Variants in SEPTIN9 observed in about 807,000 individuals in gnomAD.
The protein encoded by SEPTIN9 is septin-9.
SEPTIN9 carries 13 observed loss-of-function variants against 56.6 expected under a neutral mutation model. The ratio of observed to expected loss-of-function variants is 0.23; its 90% CI spans 0.15 to 0.37. The LOEUF (loss-of-function observed/expected upper bound fraction) is 0.37. Ranked by LOEUF, SEPTIN9 falls within the 10% of genes least tolerant of loss-of-function variation. The probability of loss-of-function intolerance (pLI) is 1.00; values close to 1 mark genes in which losing one functional copy is unlikely to be tolerated. For synonymous variants in SEPTIN9, 332 were observed against 334.1 expected, an observed-to-expected ratio of 0.99 and a Z score of 0.07; for missense variants, 650 against 823.1, an observed-to-expected ratio of 0.79 and a Z score of 2.57.
At chr17:77,458,999 A>C (rs1455980956) in intron 3 of SEPTIN9, among the ~76,000 whole-genome samples, 1 of 152,166 alleles carries the variant, frequency 6.6e-6, no homozygotes, top group African/African-American at 2.4e-5. Flanking sequence ...GTGGGGACAG[A>C]GGAGGGCCTT....
intron 2 of SEPTIN9, among the ~76,000 whole-genome samples, chr17:77,379,234 C>T (rs926609851): frequency 1.3e-5 from 2 of 151,962 alleles, no homozygotes; most frequent in Non-Finnish European, 2.9e-5. Context: ...TACACTGGGC[C>T]CGGGGTGTCA....
chr17:77,405,260 C>G lies in SEPTIN9; in HGVS notation c.721+2557C>G, dbSNP rs186718585. The G allele has an allele frequency of 1.0e-4, 85 of 834,276 alleles. No homozygotes were observed. The highest frequency in any genetic ancestry group is 8.9e-5 in the Non-Finnish European group (48 of 540,508). 51.7% of individuals were successfully genotyped at this position (834,276 alleles called of 1,614,324 possible). On this transcript the variant is annotated intron_variant, in intron 3 of 11. Transcript: ENST00000427177. This position sits in a 1 kb window ranked among gnomAD's most constrained non-coding sequence, Gnocchi z 5.8. The stretch of plus-strand genomic sequence containing the variant: ...CAGGCCCAGGGACACAACCTGCGGG[C>G]TCTGCTTTCTGGAGCTCACCGAGCC...
intron 2 of SEPTIN9, among the ~76,000 whole-genome samples, chr17:77,358,296 C>G (rs1340718578): frequency 6.6e-6 from 1 of 152,202 alleles, no homozygotes. Flanking sequence ...TTTGTCCCCT[C>G]TGAAGCTCAG....
rs1284371706 is a variant in SEPTIN9, at chr17:77,421,409, C to T, written c.721+18706C>T. On this transcript the variant is annotated intron_variant, in intron 3 of 11. Coordinates refer to ENST00000427177, the MANE Select transcript of SEPTIN9 (RefSeq NM_001113491.2). The surrounding 1 kb of genome is among the most constrained non-coding windows in gnomAD (Gnocchi z 4.6). ...TGCCGCCTCTCCCCACAAGACTGGG[C>T]TGGATGCTGCTGGGAAAGTCAACAG... 6.6e-6 allele frequency among the ~76,000 whole-genome samples: 1 copy of T among 152,158 alleles called. No individual in the cohort carries two copies. The highest frequency in any genetic ancestry group is 1.5e-5 in the Non-Finnish European group (1 of 68,036).
At chr17:77,463,679 C>T (rs1179286063) in intron 3 of SEPTIN9, among the ~76,000 whole-genome samples, 1 of 151,962 alleles carries the variant, frequency 6.6e-6, no homozygotes, top group Non-Finnish European at 1.5e-5. Context: ...CCCATCTCTA[C>T]TAAAAATACA....
rs528907798 is a variant in SEPTIN9 at position 77,402,686 on chromosome 17, C to T, written c.704C>T (p.Thr235Ile). The change falls in exon 3 of 12, where the codon ACA becomes ATA. Residue 235 changes from threonine (T) to isoleucine (I), a missense_variant. This residue lies in a region of SEPTIN9 where 317 missense variants were observed against 329.1 expected (regional missense o/e 0.96). Coordinates refer to ENST00000427177, the MANE Select transcript of SEPTIN9 (RefSeq NM_001113491.2). The surrounding 1 kb of genome is among the most constrained non-coding windows in gnomAD (Gnocchi z 6.6). ...CCCCAGCCCCCTGTGGCTGAGGCTA[C>T]ACCCCGGAGCCAGGAGGGTGAGTCG... Reference protein sequence around the residue: ...PKPQPPVAEATPRSQEATEAA... With the variant: ...PKPQPPVAEAIPRSQEATEAA... The T allele has an allele frequency of 4.4e-6, 7 of 1,592,096 alleles. No homozygotes were observed. The South Asian group carries it at 5.6e-5, about 13-fold the overall frequency.
chr17:77,289,586 T>C (rs1474860327), intron 1 of SEPTIN9, among the ~76,000 whole-genome samples: 1 of 151,648 alleles, frequency 6.6e-6, no homozygotes, highest in Non-Finnish European at 1.5e-5. Flanking sequence ...TTTTGTATTT[T>C]TAGTACAGAC....
At chr17:77,314,006 C>T (rs957116320) in intron 2 of SEPTIN9, among the ~76,000 whole-genome samples, 3 of 152,076 alleles carry the variant, frequency 2.0e-5, no homozygotes, top group African/African-American at 7.2e-5. Context: ...TCCAGACCAG[C>T]CTGGGCAACA....
chr17:77,337,287 G>C (rs1307418944), intron 2 of SEPTIN9, among the ~76,000 whole-genome samples: 2 of 152,126 alleles, frequency 1.3e-5, no homozygotes, highest in African/African-American at 4.8e-5. Flanking sequence ...GAGATTACAG[G>C]TGTGAGCCAC....
rs533063496 is a variant in SEPTIN9, at chr17:77,454,256, G to C, written c.722-27888G>C. ...CCCACAGCCACTCTTTGGGGAAGAG[G>C]CTTCCTGAGGGACTTGTGGCCCTTG... On this transcript the variant is annotated intron_variant, in intron 3 of 11. Transcript: ENST00000427177. The C allele has an allele frequency of 1.3e-4, 131 of 985,544 alleles. No individual in the cohort carries two copies. The South Asian group carries it at 5.2e-3, about 39-fold the overall frequency. The allele number at this position is 985,544 out of a possible 1,614,324, so 61.0% of individuals were successfully genotyped here.
In SEPTIN9 at chr17:77,319,441, C is replaced by A; in HGVS notation, c.76+12244C>A. Reference sequence around the variant, plus strand: ...GGGGACGGCTAGAGACTCACTGACTCATGCGTGTGTGGTAGGAATCTTCCA... The same window carrying A: ...GGGGACGGCTAGAGACTCACTGACTAATGCGTGTGTGGTAGGAATCTTCCA... On this transcript the variant is annotated intron_variant, in intron 2 of 11. Transcript: ENST00000427177. This position sits in a 1 kb window ranked among gnomAD's most constrained non-coding sequence, Gnocchi z 5.3. 1 of 595,582 alleles carries A rather than the reference C, an allele frequency of 1.7e-6. No individual in the cohort carries two copies. Among genetic ancestry groups the A allele is most frequent in the Non-Finnish European group, 2.2e-6 (1 of 462,584 alleles). The allele number at this position is 595,582 out of a possible 1,614,324, so 36.9% of individuals were successfully genotyped here.
At chr17:77,336,005 CTG>C (rs1237853228) in intron 2 of SEPTIN9, among the ~76,000 whole-genome samples, 64,685 of 117,540 alleles carry the variant, frequency 0.55, 17,639 homozygotes, top group East Asian at 0.69. Context: ...AGTATATGTA[CTG>C]TATACATGTA....
intron 1 of SEPTIN9, among the ~76,000 whole-genome samples, chr17:77,290,764 G>A (rs1458494891): frequency 3.3e-5 from 5 of 150,202 alleles, no homozygotes; most frequent in African/African-American, 4.9e-5. Flanking sequence ...GCAGTGAGCC[G>A]AGATTGCGCC....
intron 2 of SEPTIN9, among the ~76,000 whole-genome samples, chr17:77,349,483 G>A (rs1373478010): frequency 1.3e-5 from 2 of 152,128 alleles, no homozygotes; most frequent in African/African-American, 4.8e-5. Context: ...TTTCTTTCAG[G>A]ACTTTAAAAT....
At chr17:77,311,340 G>A (rs975104386) in intron 2 of SEPTIN9, among the ~76,000 whole-genome samples, 1 of 150,994 alleles carries the variant, frequency 6.6e-6, no homozygotes, top group Admixed American at 6.6e-5. Context: ...AAGCCCCACA[G>A]CTGTGGTCCA....
chr17:77,488,967 G>A, intron 7 of SEPTIN9, 103 bp downstream of exon 7: 6 of 1,467,382 alleles, frequency 4.1e-6, no homozygotes, highest in Non-Finnish European at 5.5e-6. Context: ...TGGGTGCAGA[G>A]GGGCTGAGTC....
At chr17:77,480,146 G>A (rs2039395637) in intron 3 of SEPTIN9, among the ~76,000 whole-genome samples, 1 of 152,174 alleles carries the variant, frequency 6.6e-6, no homozygotes. Context: ...CTCAGCAGTG[G>A]AGATGTGTGG....
In SEPTIN9 at chr17:77,402,685, A is replaced by G. The variant is rs373393647; in HGVS notation, c.703A>G (p.Thr235Ala). 1.8e-5 allele frequency: 29 copies of G among 1,597,346 alleles called. No individual in the cohort carries two copies. The African/African-American group carries it at 3.8e-4, about 21-fold the overall frequency. Residue 235 changes from threonine to alanine, a missense_variant, in exon 3 of 12, where the codon ACA becomes GCA. Thr to Ala is a moderately conservative substitution (Grantham distance 58, BLOSUM62 0). This residue lies in a region of SEPTIN9 where 317 missense variants were observed against 329.1 expected (regional missense o/e 0.96). Coordinates refer to ENST00000427177, the MANE Select transcript of SEPTIN9 (RefSeq NM_001113491.2). This position sits in a 1 kb window ranked among gnomAD's most constrained non-coding sequence, Gnocchi z 6.6. Reference sequence around the variant, plus strand: ...GCCCCAGCCCCCTGTGGCTGAGGCTACACCCCGGAGCCAGGAGGGTGAGTC... The same window carrying G: ...GCCCCAGCCCCCTGTGGCTGAGGCTGCACCCCGGAGCCAGGAGGGTGAGTC... ...PKPQPPVAEA[T>A]PRSQEATEAA...
chr17:77,332,699 C>T (rs1364261304), intron 2 of SEPTIN9, among the ~76,000 whole-genome samples: 8 of 152,190 alleles, frequency 5.3e-5, no homozygotes, highest in Admixed American at 2.6e-4. Flanking sequence ...ACAGTCCCCA[C>T]CTTCCCCAGG....
Sources: gnomAD v4.1 joint callset for allele counts (sites outside exome capture counted in the v4.1 genomes callset) on GRCh38, gnomAD v4.1.1 for gene constraint, gnomAD v4.1.1 regional missense constraint, Gnocchi (gnomAD v3.1) non-coding constraint, MANE v1.5 for transcripts, NCBI Gene and HGNC (gene_info 2026-07-23, HGNC 2026-07-21) for gene names.